The following UTS2B variants were observed in gnomAD, a reference collection of about 807,000 sequenced individuals.
UTS2B encodes the protein urotensin 2B.
UTS2B carries 21 observed loss-of-function variants against 19.2 expected under a neutral mutation model. That is an observed-to-expected ratio of 1.09 (90% CI 0.78 to 1.58). The LOEUF is 1.58. UTS2B is among the 40% of genes most tolerant of loss of function. The pLI is 0.00. For missense variants in UTS2B, 138 were observed against 130.3 expected (o/e 1.06, Z -0.29); for synonymous variants, 57 against 50.2 (o/e 1.14, Z -0.58).
intron 8 of UTS2B, among the ~76,000 whole-genome samples, chr3:191,272,215 A>G (rs771757760): frequency 1.3e-5 from 2 of 152,238 alleles, no homozygotes; most frequent in African/African-American, 4.8e-5. Flanking sequence ...GCATATCCCA[A>G]TATACAGTTT....
chr3:191,275,652 C>T (rs1716214968), intron 7 of UTS2B, among the ~76,000 whole-genome samples: 1 of 151,212 alleles, frequency 6.6e-6, no homozygotes, highest in South Asian at 2.1e-4. Context: ...TGTACTTCTG[C>T]CAGGGCAACA....
intron 3 of UTS2B, among the ~76,000 whole-genome samples, chr3:191,315,271 C>A (rs552202533): frequency 1.1e-4 from 16 of 152,170 alleles, no homozygotes; most frequent in Non-Finnish European, 2.2e-4. Flanking sequence ...CCTCAGCTTC[C>A]CAAAGTGCTG....
chr3:191,317,045 T>A (rs1717477239), intron 2 of UTS2B, among the ~76,000 whole-genome samples: 1 of 152,224 alleles, frequency 6.6e-6, no homozygotes, highest in South Asian at 2.1e-4. Flanking sequence ...CAATGGGACG[T>A]GGCGCCTTGG....
intron 5 of UTS2B, among the ~76,000 whole-genome samples, chr3:191,279,871 T>G (rs1380605872): frequency 6.6e-6 from 1 of 151,550 alleles, no homozygotes; most frequent in African/African-American, 2.4e-5. Flanking sequence ...GTCTTTTGTT[T>G]CTTGTTTTCA....
intron 4 of UTS2B, among the ~76,000 whole-genome samples, chr3:191,284,511 G>A (rs916788286): frequency 8.3e-5 from 10 of 120,166 alleles, no homozygotes; most frequent in East Asian, 2.7e-4. Context: ...TAGTAGAGAC[G>A]GGGTTTCACC....
intron 5 of UTS2B, 71 bp from the exon 6 acceptor site, chr3:191,278,241 G>T (rs1716292132): frequency 1.3e-6 from 1 of 762,392 alleles, no homozygotes; most frequent in East Asian, 2.9e-5. Flanking sequence ...TGGTCTTACA[G>T]GCTACTATCA....
At chr3:191,310,307 C>A (rs1289487607) in intron 3 of UTS2B, among the ~76,000 whole-genome samples, 1 of 151,516 alleles carries the variant, frequency 6.6e-6, no homozygotes, top group Non-Finnish European at 1.5e-5. Context: ...AATGACCTAA[C>A]ACGAAGATAG....
the UTS2B span, among the ~76,000 whole-genome samples, chr3:191,343,196 C>T: frequency 0.18 from 27,395 of 152,120 alleles, 2,795 homozygotes; most frequent in East Asian, 0.45. Flanking sequence ...GTCCCCCTCA[C>T]GTATACCCAG....
At chr3:191,343,058 A>C in the UTS2B span, among the ~76,000 whole-genome samples, 1 of 144,240 alleles carries the variant, frequency 6.9e-6, no homozygotes, top group East Asian at 2.1e-4. Flanking sequence ...TAGATCAGAA[A>C]TAACAGTGCT....
At chr3:191,269,039 A>C (rs1328308660) in intron 8 of UTS2B, among the ~76,000 whole-genome samples, 1 of 152,242 alleles carries the variant, frequency 6.6e-6, no homozygotes, top group East Asian at 1.9e-4. Context: ...TTAGCATTTC[A>C]ATCTTCAAAT....
chr3:191,298,305 T>C (rs1252017735), intron 4 of UTS2B, among the ~76,000 whole-genome samples: 1 of 152,206 alleles, frequency 6.6e-6, no homozygotes, highest in Non-Finnish European at 1.5e-5. Context: ...TTATGTCAAA[T>C]TGTAATCCCC....
chr3:191,296,245 T>G (rs907071531), intron 4 of UTS2B, among the ~76,000 whole-genome samples: 7 of 149,602 alleles, frequency 4.7e-5, no homozygotes, highest in African/African-American at 1.7e-4. Context: ...ATACTCCCCT[T>G]CCCCAACTTA....
At position 191,267,264 on chromosome 3, in the gene UTS2B, T is replaced by C. The variant is rs1334692693; in HGVS notation, c.*1152A>G. On this transcript the variant is annotated 3_prime_UTR_variant, in exon 9 of 9. Coordinates refer to ENST00000340524, the MANE Select transcript of UTS2B (RefSeq NM_198152.5). ...GAATTTATGGAAAGCATACAATAGA[T>C]ACAGCATTTTCAACTCTAGCTCTAC... 1 of 152,222 alleles carries C rather than the reference T, an allele frequency of 6.6e-6. No homozygotes were observed. The highest frequency in any genetic ancestry group is 1.5e-5 in the Non-Finnish European group (1 of 68,034). The allele number at this position is 152,222 out of a possible 1,614,324, so 9.4% of individuals were successfully genotyped here. A position where few individuals can be genotyped will look rare whatever the true frequency, so the allele number is the denominator to read the frequency against.
At position 191,309,342 on chromosome 3, in the gene UTS2B, C is replaced by CT. The variant is rs1198852564; in HGVS notation, c.-181-4795dup. On this transcript the variant is annotated intron_variant, in intron 3 of 8. Transcript: ENST00000340524. ...ACGCCTGGCTAAGTTTTTGGTTTTTCTTTTTTTTTTTCAGTAGAGATGAGG... is the reference window on the plus strand; with the variant it reads ...ACGCCTGGCTAAGTTTTTGGTTTTTCTTTTTTTTTTTTCAGTAGAGATGAGG... Among the ~76,000 whole-genome samples, 719 of 146,092 alleles carry CT rather than the reference C, an allele frequency of 4.9e-3. 1 individual carries two copies. Among genetic ancestry groups the CT allele is most frequent in the African/African-American group, 0.015 (594 of 40,084 alleles).
chr3:191,317,503 G>A (rs1313753144), intron 2 of UTS2B, among the ~76,000 whole-genome samples: 3 of 152,276 alleles, frequency 2.0e-5, no homozygotes, highest in Admixed American at 6.5e-5. Context: ...GGATGCCAAG[G>A]CCGAGGAGGC....
the UTS2B span, among the ~76,000 whole-genome samples, chr3:191,336,424 G>A: frequency 6.6e-6 from 1 of 152,094 alleles, no homozygotes; most frequent in South Asian, 2.1e-4. Flanking sequence ...AATGACTCAT[G>A]ATGTTGTGCC....
intron 3 of UTS2B, among the ~76,000 whole-genome samples, chr3:191,308,200 A>G (rs957144642): frequency 6.6e-6 from 1 of 152,220 alleles, no homozygotes; most frequent in Non-Finnish European, 1.5e-5. Flanking sequence ...GAGAATGGCG[A>G]GAGCTATCGC....
chr3:191,282,563 T>C (rs1342225513), intron 4 of UTS2B, among the ~76,000 whole-genome samples: 4 of 152,180 alleles, frequency 2.6e-5, no homozygotes, highest in Admixed American at 2.6e-4. Flanking sequence ...ATTTTCACAA[T>C]TTATGGTTTA....
At chr3:191,345,530 C>A in the UTS2B span, among the ~76,000 whole-genome samples, 1 of 152,042 alleles carries the variant, frequency 6.6e-6, no homozygotes, top group African/African-American at 2.4e-5. Flanking sequence ...AATAAGTTAC[C>A]CACTTTACTC....
Sources: gnomAD v4.1 joint callset for allele counts (sites outside exome capture counted in the v4.1 genomes callset) on GRCh38, gnomAD v4.1.1 for gene constraint, MANE v1.5 for transcripts, NCBI Gene and HGNC (gene_info 2026-07-23, HGNC 2026-07-21) for gene names.